The following GAA variants were observed in gnomAD, a reference collection of about 807,000 sequenced individuals.
GAA encodes lysosomal alpha-glucosidase.
A neutral mutation model predicts 103.9 loss-of-function variants in GAA; 88 were observed. That is an observed-to-expected ratio of 0.85 (90% CI 0.71 to 1.01). GAA has a LOEUF of 1.01. Ranked by LOEUF, GAA falls within the 50% of genes least tolerant of loss-of-function variation. The pLI is 0.00. For synonymous variants in GAA, 572 were observed against 563.1 expected (o/e 1.02, Z -0.22); for missense variants, 1,350 against 1,305.3 (o/e 1.03, Z -0.53).
At chr17:80,110,596 C>T in intron 9 of GAA, 131 bp from the exon 10 acceptor site, 1 of 721,492 alleles carries the variant, frequency 1.4e-6, no homozygotes, top group Non-Finnish European at 2.4e-6. Flanking sequence ...GGGTGCAGGT[C>T]TCTCAGATTT....
At chr17:80,105,965 C>T in intron 3 of GAA, 71 bp downstream of exon 3, 2 of 1,520,926 alleles carry the variant, frequency 1.3e-6, no homozygotes, top group Admixed American at 1.9e-5. Flanking sequence ...GGGAGGGCCA[C>T]ACGCGTTTGT....
intron 19 of GAA, among the ~76,000 whole-genome samples, 178 bp downstream of exon 19, chr17:80,118,983 G>T (rs1378342598): frequency 6.6e-6 from 1 of 152,206 alleles, no homozygotes; most frequent in Non-Finnish European, 1.5e-5. Flanking sequence ...TCCTCCTCCT[G>T]TGTCTACACG....
Position 80,104,703 on chromosome 17 carries a change from C to T in GAA, c.117C>T (p.Pro39=), listed in dbSNP as rs1449695541. ...TACTCCATGATTTCCTGCTGGTTCC[C>T]CGAGAGCTGAGTGGCTCCTCCCCAG... ...HILLHDFLLV[P]RELSGSSPVL... The change falls in exon 2 of 20, where the codon CCC becomes CCT. Residue 39 remains proline, a synonymous_variant. Coordinates refer to ENST00000302262, the MANE Select transcript of GAA (RefSeq NM_000152.5). This position sits in a 1 kb window ranked among gnomAD's most constrained non-coding sequence, Gnocchi z 4.0. 2 of 1,613,020 alleles carry T rather than the reference C, an allele frequency of 1.2e-6. No homozygotes were observed. The highest frequency in any genetic ancestry group is 2.7e-5 in the African/African-American group (2 of 74,930).
Position 80,114,089 on chromosome 17 carries a change from G to A in GAA, c.2189+723G>A, listed in dbSNP as rs4889819. On this transcript the variant is annotated intron_variant, in intron 15 of 19. Transcript: ENST00000302262. ...TCTCTGGGGAAAGGTTTCATTTAGA[G>A]AAAAAAAAAAAAAAAAGGTGAACTT... 0.15 allele frequency among the ~76,000 whole-genome samples: 10,249 copies of A among 67,780 alleles called. 510 individuals carry two copies. Among genetic ancestry groups the A allele is most frequent in the African/African-American group, 0.27 (5,794 of 21,186 alleles). 44.5% of individuals were successfully genotyped at this position (67,780 alleles called of 152,430 possible). A position where few individuals can be genotyped will look rare whatever the true frequency, so the allele number is the denominator to read the frequency against.
At position 80,105,885 on chromosome 17, in the gene GAA, G is replaced by A. The variant is rs1470881018; in HGVS notation, c.683G>A (p.Gly228Asp). 6 of 1,595,818 alleles carry A rather than the reference G, an allele frequency of 3.8e-6. No individual in the cohort carries two copies. The African/African-American group carries it at 5.3e-5, about 14-fold the overall frequency. ...GTGATCGTGCGCCGGCAGCTGGACG[G>A]CCGCGTGCTGTGAGTTCTGGGCTCT... Reference protein sequence around the residue: ...FGVIVRRQLDGRVLLNTTVAP... With the variant: ...FGVIVRRQLDDRVLLNTTVAP... Residue 228 changes from glycine (G) to aspartate (D), a missense_variant, in exon 3 of 20, where the codon GGC becomes GAC. Physicochemically the swap from Gly to Asp is moderately conservative, Grantham distance 94 (BLOSUM62 -1). Coordinates refer to ENST00000302262, the MANE Select transcript of GAA (RefSeq NM_000152.5).
chr17:80,110,092 A>G, intron 9 of GAA, 37 bp downstream of exon 9: 1 of 1,533,800 alleles, frequency 6.5e-7, no homozygotes, highest in Non-Finnish European at 9.0e-7. Context: ...GTTAGAAAGC[A>G]GAGGCCTCCA....
At chr17:80,117,158 C>G in intron 16 of GAA, 49 bp downstream of exon 16, 1 of 1,588,970 alleles carries the variant, frequency 6.3e-7, no homozygotes, top group Non-Finnish European at 8.6e-7. Flanking sequence ...CCAGAGCAGC[C>G]CTCCCACCTG....
chr17:80,119,201 G>A (rs1390711200), intron 19 of GAA, 71 bp from the exon 20 acceptor site: 8 of 1,456,912 alleles, frequency 5.5e-6, no homozygotes, highest in African/African-American at 4.2e-5. Context: ...AGATGGAGCC[G>A]CCTTCTGAGC....
rs1170310515 is a variant in GAA, at chr17:80,105,460, T to A, written c.547-289T>A. On this transcript the variant is annotated intron_variant, in intron 2 of 19. Transcript: ENST00000302262. Reference sequence around the variant, plus strand: ...TACCCCAGGCATGACTTTGTTTTTTTGTGTAAGGATGCAAAATTTGGGATG... The same window carrying A: ...TACCCCAGGCATGACTTTGTTTTTTAGTGTAAGGATGCAAAATTTGGGATG... Among the ~76,000 whole-genome samples the A allele has an allele frequency of 3.9e-5, 6 of 152,240 alleles. No homozygotes were observed. In the East Asian group the frequency reaches 1.2e-3, roughly 29 times the overall value.
In GAA at chr17:80,118,563, T is replaced by C. The variant is rs544697495; in HGVS notation, c.2647-90T>C. On this transcript the variant is annotated intron_variant, in intron 18 of 19. Transcript: ENST00000302262. ...GGAGGTCACCTCCCTGATGCCATCA[T>C]GAGTCCCTGTTCTCATGGGTGTTCC... The C allele has an allele frequency of 4.0e-6, 6 of 1,517,300 alleles. 1 individual carries two copies. In the African/African-American group the frequency reaches 5.5e-5, roughly 14 times the overall value. 94.0% of individuals were successfully genotyped at this position (1,517,300 alleles called of 1,614,324 possible). A position where few individuals can be genotyped will look rare whatever the true frequency, so the allele number is the denominator to read the frequency against.
rs757893858 is a variant in GAA, at chr17:80,109,974, C to T, written c.1356C>T (p.Ala452=). 1.2e-4 allele frequency: 189 copies of T among 1,613,200 alleles called. No homozygotes were observed. Among genetic ancestry groups the T allele is most frequent in the Non-Finnish European group, 1.4e-4 (161 of 1,179,918 alleles). Reference sequence around the variant, plus strand: ...CTGCCATCAGCAGCTCGGGCCCTGCCGGGAGCTACAGGCCCTACGACGAGG... The same window carrying T: ...CTGCCATCAGCAGCTCGGGCCCTGCTGGGAGCTACAGGCCCTACGACGAGG... ...VDPAISSSGP[A]GSYRPYDEGL... is the part of the protein sequence containing the mutation. Residue 452 remains alanine (A), a synonymous_variant, in exon 9 of 20, where the codon GCC becomes GCT. Coordinates refer to ENST00000302262, the MANE Select transcript of GAA (RefSeq NM_000152.5).
rs1179026444 is a variant in GAA, at chr17:80,105,783, C to T, written c.581C>T (p.Pro194Leu). The change falls in exon 3 of 20, where the codon CCC becomes CTC. Residue 194 changes from proline (P) to leucine (L), a missense_variant. Transcript: ENST00000302262. The part of the protein sequence containing the change: ...KDPANRRYEV[P>L]LETPHVHSRA... ...CCAGCTAACAGGCGCTACGAGGTGC[C>T]CTTGGAGACCCCGCATGTCCACAGC... is the stretch of plus-strand genomic sequence containing the variant. The T allele has an allele frequency of 4.3e-6, 7 of 1,612,204 alleles. No individual in the cohort carries two copies. The highest frequency in any genetic ancestry group is 5.9e-6 in the Non-Finnish European group (7 of 1,179,966).
intron 19 of GAA, 22 bp downstream of exon 19, chr17:80,118,827 C>A (rs771914046): frequency 3.1e-5 from 50 of 1,611,900 alleles, no homozygotes; most frequent in Non-Finnish European, 2.5e-5. Context: ...CAGAGTGGCA[C>A]AGGGATCGCG....
At chr17:80,106,503 C>G (rs1015022725) in intron 3 of GAA, among the ~76,000 whole-genome samples, 6 of 151,464 alleles carry the variant, frequency 4.0e-5, no homozygotes, top group Admixed American at 6.6e-5. Flanking sequence ...CTCTGGAAGC[C>G]AGCTGTGCAG....
At chr17:80,106,129 C>T (rs1448244005) in intron 3 of GAA, among the ~76,000 whole-genome samples, 1 of 152,232 alleles carries the variant, frequency 6.6e-6, no homozygotes, top group Non-Finnish European at 1.5e-5. Flanking sequence ...CCCTGCTTGT[C>T]ATTTAACTCA....
Position 80,108,553 on chromosome 17 carries a change from C to T in GAA, c.1140C>T (p.Ser380=), listed in dbSNP as rs1214685237. The T allele has an allele frequency of 3.7e-6, 6 of 1,612,870 alleles. No homozygotes were observed. The South Asian group carries it at 4.4e-5, about 12-fold the overall frequency. ...GFHLCRWGYS[S]TAITRQVVEN... ...ACCTGTGCCGCTGGGGCTACTCCTC[C>T]ACCGCTATCACCCGCCAGGTGGTGG... Residue 380 remains serine, a synonymous_variant, in exon 7 of 20, where the codon TCC becomes TCT. Coordinates refer to ENST00000302262, the MANE Select transcript of GAA (RefSeq NM_000152.5).
At chr17:80,103,170 T>C (rs1394490844) in intron 1 of GAA, among the ~76,000 whole-genome samples, 2 of 152,218 alleles carry the variant, frequency 1.3e-5, no homozygotes, top group Non-Finnish European at 2.9e-5. Context: ...CTTCCTGGTA[T>C]GTGACCAGCT....
rs140385114 is a variant in GAA at position 80,109,623 on chromosome 17, AC to A, written c.1327-321del. Among the ~76,000 whole-genome samples the A allele has an allele frequency of 0.072, 6,611 of 92,422 alleles. 302 individuals are homozygous for A. Among genetic ancestry groups the A allele is most frequent in the East Asian group, 0.26 (1,238 of 4,676 alleles). 60.6% of individuals were successfully genotyped at this position (92,422 alleles called of 152,430 possible). A position where few individuals can be genotyped will look rare whatever the true frequency, so the allele number is the denominator to read the frequency against. On this transcript the variant is annotated intron_variant, in intron 8 of 19. Transcript: ENST00000302262. The stretch of plus-strand genomic sequence containing the variant: ...CTTAAGAGCAGGAGTGGAAACACAG[AC>A]TTTTTTCTTTCTCACATTTTTTTAA...
chr17:80,103,313 C>T (rs2038997010), intron 1 of GAA, among the ~76,000 whole-genome samples: 1 of 152,192 alleles, frequency 6.6e-6, no homozygotes, highest in Admixed American at 6.5e-5. Flanking sequence ...TGATGGCTGA[C>T]TTTGGTTTGA....
Sources: allele counts gnomAD v4.1 joint callset (sites outside exome capture counted in the v4.1 genomes callset), GRCh38; gene constraint gnomAD v4.1.1; non-coding constraint Gnocchi (gnomAD v3.1); transcripts MANE v1.5; gene names NCBI Gene and HGNC (gene_info 2026-07-23, HGNC 2026-07-21).